The following AHNAK variants were observed in gnomAD, a reference collection of about 807,000 sequenced individuals.
The protein encoded by AHNAK is AHNAK nucleoprotein, also known as neuroblast differentiation-associated protein AHNAK.
Under a neutral mutation model 37.8 loss-of-function variants are expected in AHNAK, and 23 were observed. That is an observed-to-expected ratio of 0.61 (90% CI 0.44 to 0.86). AHNAK has a LOEUF of 0.86. Ranked by LOEUF, AHNAK falls within the 40% of genes least tolerant of loss-of-function variation. The pLI is 0.00. For missense variants in AHNAK, 7,411 were observed against 7,319.4 expected (o/e 1.01, Z -0.46); for synonymous variants, 2,481 against 2,636.3 (o/e 0.94, Z 1.80).
At chr11:62,448,573 G>A (rs1296429017) in intron 5 of AHNAK, among the ~76,000 whole-genome samples, 10 of 152,176 alleles carry the variant, frequency 6.6e-5, no homozygotes, top group African/African-American at 2.4e-4. Flanking sequence ...GAAGGCAGGC[G>A]GGCTGATACT....
At chr11:62,450,259 G>C (rs932408064) in intron 5 of AHNAK, among the ~76,000 whole-genome samples, 1 of 151,984 alleles carries the variant, frequency 6.6e-6, no homozygotes, top group South Asian at 2.1e-4. Context: ...CTGGGTTCAA[G>C]CAATTCTCCT....
In AHNAK at chr11:62,525,385, A is replaced by G; in HGVS notation, c.9032T>C (p.Val3011Ala). 1.9e-6 allele frequency: 3 copies of G among 1,613,294 alleles called. No homozygotes were observed. Among genetic ancestry groups the G allele is most frequent in the Non-Finnish European group, 2.5e-6 (3 of 1,179,812 alleles). ...GPQVDIDVPD[V>A]GVQGPDWHLK... is the part of the protein sequence containing the mutation. Reference sequence around the variant, plus strand: ...GTGCCAGTCTGGGCCTTGAACGCCCACATCCGGGACATCAATGTCCACTTG... The same window carrying G: ...GTGCCAGTCTGGGCCTTGAACGCCCGCATCCGGGACATCAATGTCCACTTG... Residue 3011 changes from valine to alanine, a missense_variant, in exon 5 of 5, where the codon GTG becomes GCG. Physicochemically the swap from Val to Ala is moderately conservative, Grantham distance 64. Coordinates refer to ENST00000378024, the MANE Select transcript of AHNAK (RefSeq NM_001620.3).
chr11:62,462,247 G>C (rs560756408), intron 5 of AHNAK, among the ~76,000 whole-genome samples: 28 of 136,282 alleles, frequency 2.1e-4, no homozygotes, highest in African/African-American at 7.9e-4. Flanking sequence ...TCCGCCACCT[G>C]ACCTCCGCCC....
Position 62,519,778 on chromosome 11 carries a change from C to T in AHNAK, c.14639G>A (p.Gly4880Asp). 1 of 1,613,166 alleles carries T rather than the reference C, an allele frequency of 6.2e-7. No homozygotes were observed. The highest frequency in any genetic ancestry group is 1.3e-5 in the African/African-American group (1 of 74,896). Residue 4880 changes from glycine to aspartate, a missense_variant, in exon 5 of 5, where the codon GGC becomes GAC. Gly to Asp is a moderately conservative substitution (Grantham distance 94). Transcript: ENST00000378024. ...TGGACCTTTAAGATCTACTTCTGGG[C>T]CTTTCAAAGTCCCTTCAACCTTAGG... Reference protein sequence around the residue: ...SVPKVEGTLKGPEVDLKGPRL... With the variant: ...SVPKVEGTLKDPEVDLKGPRL...
rs564818050 is a variant in AHNAK at position 62,491,721 on chromosome 11, A to C, written c.442+11T>G. On this transcript the variant is annotated intron_variant, in intron 5 of 5. Transcript: ENST00000257247. ...GGTCATCCGTCTTTCAGTCCCCATC[A>C]CTTCTCTCACCTGCATTTGGGGTGG... 8.6e-5 allele frequency: 138 copies of C among 1,601,918 alleles called. No individual in the cohort carries two copies. The South Asian group carries it at 1.4e-3, about 17-fold the overall frequency.
chr11:62,485,701 C>CAAAAA (rs1286819688), intron 5 of AHNAK, among the ~76,000 whole-genome samples: 9 of 51,954 alleles, frequency 1.7e-4, no homozygotes, highest in African/African-American at 4.0e-4. Context: ...GACTCCATCT[C>CAAAAA]AAAAAAAAAA....
At chr11:62,456,767 C>T (rs1262789880) in intron 5 of AHNAK, among the ~76,000 whole-genome samples, 1 of 152,190 alleles carries the variant, frequency 6.6e-6, no homozygotes, top group Admixed American at 6.5e-5. Context: ...GGATTTCACA[C>T]TTATAAGCCC....
chr11:62,490,383 TAG>T (rs1347631337), intron 5 of AHNAK, among the ~76,000 whole-genome samples: 2 of 151,836 alleles, frequency 1.3e-5, no homozygotes, highest in African/African-American at 2.4e-5. Context: ...GTATTTTTGG[TAG>T]AGACAGGGTT....
chr11:62,516,940 C>G lies in AHNAK; in HGVS notation c.17477G>C (p.Gly5826Ala). Residue 5826 changes from glycine (G) to alanine (A), a missense_variant, in exon 5 of 5, where the codon GGT (glycine) becomes GCT (alanine). Gly to Ala is a moderately conservative substitution (Grantham distance 60). Coordinates refer to ENST00000378024, the MANE Select transcript of AHNAK (RefSeq NM_001620.3). Reference protein sequence around the residue: ...KHGKLKFGTFGGLGSKSKGHY... With the variant: ...KHGKLKFGTFAGLGSKSKGHY... ...ACCTTTGCTCTTTGACCCCAATCCA[C>G]CAAAGGTACCGAATTTCAGCTTCCC... 1 of 1,614,140 alleles carries G rather than the reference C, an allele frequency of 6.2e-7. No homozygotes were observed. Among genetic ancestry groups the G allele is most frequent in the Non-Finnish European group, 8.5e-7 (1 of 1,180,020 alleles).
intron 5 of AHNAK, among the ~76,000 whole-genome samples, chr11:62,466,460 A>T (rs1938913850): frequency 6.9e-6 from 1 of 143,982 alleles, no homozygotes; most frequent in Admixed American, 7.4e-5. Flanking sequence ...ATCCAAAAGT[A>T]AAGTTTTGAT....
At chr11:62,513,483 C>T (rs745615730), downstream of AHNAK, among the ~76,000 whole-genome samples, 5 of 151,690 alleles carry the variant, frequency 3.3e-5, no homozygotes, top group Non-Finnish European at 7.4e-5. Flanking sequence ...TGCAGTGAGC[C>T]AAATTCACAC....
downstream of AHNAK, among the ~76,000 whole-genome samples, chr11:62,512,898 G>GGGAA (rs1939940211): frequency 1.3e-5 from 2 of 150,944 alleles, no homozygotes; most frequent in Non-Finnish European, 1.5e-5. This position sits in a 1 kb window ranked among gnomAD's most constrained non-coding sequence, Gnocchi z 4.0. Flanking sequence ...GAGGGAGGAA[G>GGGAA]GGAAGGAAGA....
intron 5 of AHNAK, among the ~76,000 whole-genome samples, chr11:62,473,084 CAAAAAAAAAAAAAAAAAAAAA>C (rs71056522): frequency 5.8e-5 from 1 of 17,276 alleles, no homozygotes; most frequent in Admixed American, 1.2e-3. Context: ...GACTCCATCT[CAAAAAAAAAAAAAAAAAAAAA>C]AAAAAAAAAG....
At chr11:62,453,500 C>T (rs986952104) in intron 5 of AHNAK, among the ~76,000 whole-genome samples, 1 of 152,104 alleles carries the variant, frequency 6.6e-6, no homozygotes, top group African/African-American at 2.4e-5. Flanking sequence ...CTTAGAAACA[C>T]CCCAGGAGAC....
At chr11:62,445,003 C>T (rs1938394665) in intron 5 of AHNAK, among the ~76,000 whole-genome samples, 1 of 152,210 alleles carries the variant, frequency 6.6e-6, no homozygotes, top group Admixed American at 6.5e-5. Context: ...AGGAGACGTG[C>T]ATGGAGCCCT....
intron 5 of AHNAK, among the ~76,000 whole-genome samples, chr11:62,485,011 A>G (rs1939361392): frequency 6.6e-6 from 1 of 151,574 alleles, no homozygotes; most frequent in Admixed American, 6.6e-5. Flanking sequence ...CTGGTCTCGA[A>G]CTCCTGACCT....
chr11:62,512,110 G>A (rs906028130), downstream of AHNAK, among the ~76,000 whole-genome samples: 16 of 152,188 alleles, frequency 1.1e-4, no homozygotes, highest in South Asian at 2.1e-4. This position sits in a 1 kb window ranked among gnomAD's most constrained non-coding sequence, Gnocchi z 4.0. Flanking sequence ...GCCTCCCAAC[G>A]TGTTAGGATT....
chr11:62,482,652 C>G (rs942671648), intron 5 of AHNAK, among the ~76,000 whole-genome samples: 14 of 152,148 alleles, frequency 9.2e-5, no homozygotes, highest in Non-Finnish European at 1.9e-4. Flanking sequence ...GAAAGCACCT[C>G]AGAGGGTGAG....
intron 4 of AHNAK, among the ~76,000 whole-genome samples, chr11:62,502,118 T>C (rs569852092): frequency 6.6e-6 from 1 of 152,280 alleles, no homozygotes; most frequent in African/African-American, 2.4e-5. Flanking sequence ...AACACCCTTT[T>C]TGCCGTTCTT....
Sources: allele counts gnomAD v4.1 joint callset (sites outside exome capture counted in the v4.1 genomes callset), GRCh38; gene constraint gnomAD v4.1.1; non-coding constraint Gnocchi (gnomAD v3.1); transcripts MANE v1.5; gene names NCBI Gene and HGNC (gene_info 2026-07-23, HGNC 2026-07-21).